The following NHSL1 variants were observed in gnomAD, a reference collection of about 807,000 sequenced individuals.
The protein encoded by NHSL1 is NHS-like protein 1.
NHSL1 carries 48 observed loss-of-function variants against 95.0 expected under a neutral mutation model. The observed-to-expected ratio is 0.51, with a 90% confidence interval of 0.40 to 0.64. The LOEUF (loss-of-function observed/expected upper bound fraction) is 0.64, where lower values mean the gene tolerates loss of function less well. Among genes scored for constraint, NHSL1 ranks in the 30% least tolerant of loss-of-function variants. The pLI is 0.00. For synonymous variants in NHSL1, 783 were observed against 833.9 expected, an observed-to-expected ratio of 0.94 and a Z score of 1.05; for missense variants, 1,971 against 2,077.7, an observed-to-expected ratio of 0.95 and a Z score of 1.00.
At chr6:138,566,087 T>C (rs1045637597) in intron 1 of NHSL1, among the ~76,000 whole-genome samples, 1 of 152,052 alleles carries the variant, frequency 6.6e-6, no homozygotes, top group African/African-American at 2.4e-5. Context: ...ACATGCAGGA[T>C]CTTTTAAAAT....
intron 1 of NHSL1, among the ~76,000 whole-genome samples, chr6:138,603,988 G>A (rs1285136784): frequency 1.3e-5 from 2 of 152,102 alleles, no homozygotes; most frequent in Non-Finnish European, 2.9e-5. Flanking sequence ...AATGGATGGG[G>A]CAATAAAAAT....
In NHSL1 at chr6:138,423,907, G is replaced by A; in HGVS notation, c.*174C>T. 2.0e-6 allele frequency: 1 copy of A among 488,976 alleles called. No homozygotes were observed. 30.3% of individuals were successfully genotyped at this position (488,976 alleles called of 1,614,324 possible). On this transcript the variant is annotated 3_prime_UTR_variant, in exon 8 of 8. Transcript: ENST00000343505. ...TTCTTAAGCCACAGGGCAAGTGCCA[G>A]GTGAGTCCTAAATAACCGTTCACTC...
chr6:138,554,055 A>C (rs1384660883), intron 1 of NHSL1, among the ~76,000 whole-genome samples: 17 of 152,254 alleles, frequency 1.1e-4, no homozygotes, highest in Non-Finnish European at 1.5e-5. Context: ...TAATGTCCCC[A>C]AATTCCCTTT....
intron 1 of NHSL1, among the ~76,000 whole-genome samples, chr6:138,582,853 G>A (rs560877051): frequency 7.9e-5 from 12 of 152,180 alleles, no homozygotes; most frequent in Non-Finnish European, 1.3e-4. Context: ...AACTTCTGCC[G>A]GGAGCTGTCT....
intron 2 of NHSL1, among the ~76,000 whole-genome samples, chr6:138,489,118 G>T (rs1156860225): frequency 6.6e-6 from 1 of 152,276 alleles, no homozygotes; most frequent in South Asian, 2.1e-4. Context: ...TATCTCTGGA[G>T]CACAACAGGT....
In NHSL1 at chr6:138,430,778, G is replaced by T; in HGVS notation, c.3567C>A (p.Ser1189Arg). The change falls in exon 6 of 8, where the codon AGC becomes AGA. Residue 1189 changes from serine (S) to arginine (R), a missense_variant. Ser to Arg is a moderately radical substitution (Grantham distance 110). This residue lies in a region of NHSL1 where 1,602 missense variants were observed against 1,654.5 expected (regional missense o/e 0.97). Coordinates refer to ENST00000343505, the MANE Select transcript of NHSL1 (RefSeq NM_001144060.2). The surrounding 1 kb of genome is among the most constrained non-coding windows in gnomAD (Gnocchi z 4.7). ...STTPLPDSSPSRKPPPISKKP... is the reference protein window; with the variant it reads ...STTPLPDSSPRRKPPPISKKP... ...TCTTGGAAATGGGGGGTGGCTTCCTGCTGGGTGAAGAGTCTGGGAGTGGGG... is the reference window on the plus strand; with the variant it reads ...TCTTGGAAATGGGGGGTGGCTTCCTTCTGGGTGAAGAGTCTGGGAGTGGGG... The T allele has an allele frequency of 6.4e-7, 1 of 1,551,668 alleles. No homozygotes were observed.
chr6:138,629,385 C>CT (rs1255232008), intron 1 of NHSL1, among the ~76,000 whole-genome samples: 1,697 of 86,042 alleles, frequency 0.02, 37 homozygotes, highest in African/African-American at 0.062. Context: ...TTCTTTCTTT[C>CT]TTTCTTTTTT....
chr6:138,667,047 C>T (rs774854687), intron 1 of NHSL1, among the ~76,000 whole-genome samples: 1 of 152,178 alleles, frequency 6.6e-6, no homozygotes, highest in Non-Finnish European at 1.5e-5. Context: ...CTGAAATGTA[C>T]AGAATTTTTG....
At chr6:138,555,257 A>C (rs1409894395) in intron 1 of NHSL1, among the ~76,000 whole-genome samples, 3 of 152,182 alleles carry the variant, frequency 2.0e-5, no homozygotes, top group African/African-American at 7.2e-5. Context: ...AAGTTCTAGT[A>C]GAAGTAACTT....
chr6:138,498,596 AATT>A (rs1349291976), intron 1 of NHSL1, among the ~76,000 whole-genome samples: 3 of 152,356 alleles, frequency 2.0e-5, no homozygotes, highest in Non-Finnish European at 2.9e-5. Context: ...TAGTTATAAA[AATT>A]ATTATTTTCA....
intron 1 of NHSL1, among the ~76,000 whole-genome samples, chr6:138,566,388 A>G (rs1046462803): frequency 2.0e-5 from 3 of 148,490 alleles, no homozygotes; most frequent in Non-Finnish European, 4.4e-5. Flanking sequence ...ACAGAGCAAG[A>G]CTCTGTCTCA....
At chr6:138,513,041 T>G (rs753080750) in intron 1 of NHSL1, among the ~76,000 whole-genome samples, 1 of 152,228 alleles carries the variant, frequency 6.6e-6, no homozygotes, top group Non-Finnish European at 1.5e-5. Context: ...TGATGTGCTA[T>G]GTGTTCTACA....
At chr6:138,565,969 A>G (rs1583418593) in intron 1 of NHSL1, among the ~76,000 whole-genome samples, 2 of 150,718 alleles carry the variant, frequency 1.3e-5, no homozygotes, top group East Asian at 3.9e-4. Flanking sequence ...AAACAAACAA[A>G]CCCCTCTAAT....
At chr6:138,462,016 A>T (rs963425248) in intron 3 of NHSL1, among the ~76,000 whole-genome samples, 2 of 152,090 alleles carry the variant, frequency 1.3e-5, no homozygotes, top group Non-Finnish European at 1.5e-5. Flanking sequence ...CAATGGCGGG[A>T]AAGGGTGAGT....
intron 1 of NHSL1, among the ~76,000 whole-genome samples, chr6:138,507,937 TG>T (rs1480070647): frequency 6.6e-6 from 1 of 152,224 alleles, no homozygotes; most frequent in Non-Finnish European, 1.5e-5. Flanking sequence ...AAACTTGATC[TG>T]GCATCCACTT....
At chr6:138,479,101 C>A (rs1322627555) in intron 2 of NHSL1, among the ~76,000 whole-genome samples, 1 of 152,124 alleles carries the variant, frequency 6.6e-6, no homozygotes, top group African/African-American at 2.4e-5. Context: ...ATGCCTGAAA[C>A]CACAGACAGT....
intron 1 of NHSL1, among the ~76,000 whole-genome samples, chr6:138,605,126 G>C (rs1420071997): frequency 1.3e-5 from 2 of 152,150 alleles, no homozygotes; most frequent in East Asian, 3.8e-4. Context: ...AACCTGCACT[G>C]CATTATCAAA....
chr6:138,610,951 G>A (rs959671772), intron 1 of NHSL1, among the ~76,000 whole-genome samples: 2 of 152,074 alleles, frequency 1.3e-5, no homozygotes, highest in Middle Eastern at 3.2e-3. Flanking sequence ...GTTGGCGCAT[G>A]CCTGTAATTC....
chr6:138,554,842 C>T (rs1233951304), intron 1 of NHSL1, among the ~76,000 whole-genome samples: 1 of 152,156 alleles, frequency 6.6e-6, no homozygotes, highest in African/African-American at 2.4e-5. Flanking sequence ...GACAACGTTT[C>T]AAGGAAGAAG....
Sources: allele counts gnomAD v4.1 joint callset (sites outside exome capture counted in the v4.1 genomes callset), GRCh38; gene constraint gnomAD v4.1.1; regional missense constraint gnomAD v4.1.1; non-coding constraint Gnocchi (gnomAD v3.1); transcripts MANE v1.5; gene names NCBI Gene and HGNC (gene_info 2026-07-23, HGNC 2026-07-21).